The following SYN3 variants were observed in gnomAD, a reference collection of about 807,000 sequenced individuals.
SYN3 encodes synapsin III.
In SYN3, 35 loss-of-function variants were observed where a neutral mutation model predicts 65.8. That is an observed-to-expected ratio of 0.53 (90% CI 0.41 to 0.70). The LOEUF is 0.70. SYN3 is among the 30% of genes least tolerant of loss of function. The probability of loss-of-function intolerance (pLI) is 0.00; values close to 1 mark genes in which losing one functional copy is unlikely to be tolerated. For synonymous variants in SYN3, 270 were observed against 292.9 expected (o/e 0.92, Z 0.80); for missense variants, 680 against 749.0 (o/e 0.91, Z 1.08).
rs936562446 is a variant in SYN3, at chr22:32,508,567, T to G, written c.*5125A>C. 1.3e-5 allele frequency among the ~76,000 whole-genome samples: 2 copies of G among 152,178 alleles called. No homozygotes were observed. The highest frequency in any genetic ancestry group is 6.5e-5 in the Admixed American group (1 of 15,272). ...CCTCCCATTCCTCTTCAGATTCAGTTTGGAAGAGGTCTTTTTGAGGTTGAA... is the reference window on the plus strand; with the variant it reads ...CCTCCCATTCCTCTTCAGATTCAGTGTGGAAGAGGTCTTTTTGAGGTTGAA... On this transcript the variant is annotated 3_prime_UTR_variant, in exon 14 of 14. Transcript: ENST00000358763.
intron 7 of SYN3, among the ~76,000 whole-genome samples, chr22:32,566,769 C>T (rs1192131340): frequency 6.6e-6 from 1 of 152,076 alleles, no homozygotes; most frequent in Non-Finnish European, 1.5e-5. Context: ...TCAGCAAAGA[C>T]TTATTTATTC....
At chr22:32,758,877 G>C (rs995176998) in intron 6 of SYN3, among the ~76,000 whole-genome samples, 27 of 150,806 alleles carry the variant, frequency 1.8e-4, no homozygotes, top group Non-Finnish European at 4.0e-4. Context: ...GACAGCTGTT[G>C]GCTGTGCAGA....
rs559545334 is a variant in SYN3, at chr22:32,512,109, G to A, written c.*1583C>T. Among the ~76,000 whole-genome samples the A allele has an allele frequency of 1.3e-5, 2 of 152,308 alleles. No individual in the cohort carries two copies. The highest frequency in any genetic ancestry group is 4.8e-5 in the African/African-American group (2 of 41,576). Reference sequence around the variant, plus strand: ...GAAGGAGAGGGTCTCTGGCCCTGACGTCACCACTCCAGTTTGGTTTTGAAG... The same window carrying A: ...GAAGGAGAGGGTCTCTGGCCCTGACATCACCACTCCAGTTTGGTTTTGAAG... On this transcript the variant is annotated 3_prime_UTR_variant, in exon 14 of 14. Transcript: ENST00000358763.
chr22:32,668,787 G>A (rs1344578171), intron 6 of SYN3, among the ~76,000 whole-genome samples: 5 of 152,108 alleles, frequency 3.3e-5, no homozygotes, highest in Admixed American at 1.3e-4. Flanking sequence ...CATTGTCCCC[G>A]TGCACTCCTG....
intron 9 of SYN3, 105 bp downstream of exon 9, chr22:32,537,930 AC>A (rs760288476): frequency 3.1e-6 from 3 of 962,554 alleles, no homozygotes; most frequent in Non-Finnish European, 4.9e-6. Flanking sequence ...ATGGTGAGGC[AC>A]TGGACGGAGG....
At chr22:32,694,774 G>A (rs1724806922) in intron 6 of SYN3, among the ~76,000 whole-genome samples, 1 of 152,134 alleles carries the variant, frequency 6.6e-6, no homozygotes, top group Admixed American at 6.5e-5. Context: ...TATTTTTGGG[G>A]GGACTAGATT....
chr22:32,703,062 T>A (rs2060830964), intron 6 of SYN3, among the ~76,000 whole-genome samples: 1 of 152,234 alleles, frequency 6.6e-6, no homozygotes. Context: ...AGATATTTTT[T>A]AAAATCACTT....
intron 1 of SYN3, among the ~76,000 whole-genome samples, chr22:33,009,977 A>G (rs2053310449): frequency 6.6e-6 from 1 of 152,108 alleles, no homozygotes; most frequent in African/African-American, 2.4e-5. Flanking sequence ...TCACGCCTGT[A>G]ATCCCAGCAC....
At chr22:32,691,185 G>C (rs900847284) in intron 6 of SYN3, among the ~76,000 whole-genome samples, 1 of 152,112 alleles carries the variant, frequency 6.6e-6, no homozygotes, top group South Asian at 2.1e-4. Flanking sequence ...TGGGCGCCCC[G>C]GTTCCTTCAC....
intron 12 of SYN3, among the ~76,000 whole-genome samples, chr22:32,521,060 G>C (rs2057872577): frequency 1.3e-5 from 2 of 152,152 alleles, no homozygotes; most frequent in African/African-American, 4.8e-5. Context: ...TGATTGTATA[G>C]GCGAGTAGAT....
At chr22:32,795,077 C>T (rs568281257) in intron 6 of SYN3, among the ~76,000 whole-genome samples, 2 of 152,152 alleles carry the variant, frequency 1.3e-5, no homozygotes, top group African/African-American at 2.4e-5. Flanking sequence ...AGCTGTGGAC[C>T]GTGGGGCCCT....
At chr22:32,928,402 C>T (rs1217873357) in intron 4 of SYN3, among the ~76,000 whole-genome samples, 1 of 152,152 alleles carries the variant, frequency 6.6e-6, no homozygotes, top group African/African-American at 2.4e-5. Context: ...GCCTAGCCTA[C>T]CTTAGACATT....
intron 7 of SYN3, among the ~76,000 whole-genome samples, chr22:32,566,965 G>T (rs2058679882): frequency 6.6e-6 from 1 of 152,112 alleles, no homozygotes; most frequent in African/African-American, 2.4e-5. Context: ...CCACTGAGAT[G>T]GGAAAGAAGG....
At chr22:32,639,017 G>A (rs1169173721) in intron 6 of SYN3, among the ~76,000 whole-genome samples, 2 of 152,030 alleles carry the variant, frequency 1.3e-5, no homozygotes, top group East Asian at 3.9e-4. Flanking sequence ...GCAGTGGCGC[G>A]ATCTCAGCTC....
Position 32,836,918 on chromosome 22 carries a change from A to G in SYN3, c.711+27997T>C, listed in dbSNP as rs1018855875. Among the ~76,000 whole-genome samples the G allele has an allele frequency of 3.3e-5, 5 of 152,184 alleles. No homozygotes were observed. In the East Asian group the frequency reaches 9.6e-4, roughly 29 times the overall value. On this transcript the variant is annotated intron_variant, in intron 6 of 13. Transcript: ENST00000358763. ...CATTGGCTCTTGTTCAAACCACAAG[A>G]AAGTCTCCTGCCCACTCCTGGTGCA...
chr22:32,791,030 A>C (rs977492573), intron 6 of SYN3, among the ~76,000 whole-genome samples: 6 of 152,218 alleles, frequency 3.9e-5, no homozygotes, highest in Non-Finnish European at 8.8e-5. Flanking sequence ...GGGACGCTGA[A>C]CTTGGAAATC....
intron 8 of SYN3, 97 bp from the exon 9 acceptor site, chr22:32,538,207 AT>A (rs2058196712): frequency 9.6e-7 from 1 of 1,044,680 alleles, no homozygotes; most frequent in Admixed American, 1.7e-5. Context: ...TCTGATTCAA[AT>A]AACTGGCTCA....
chr22:32,637,800 G>A (rs1180007923), intron 6 of SYN3, among the ~76,000 whole-genome samples: 1 of 151,860 alleles, frequency 6.6e-6, no homozygotes, highest in Non-Finnish European at 1.5e-5. Context: ...ACCATGCCCA[G>A]CTAATTTCTG....
At chr22:32,845,499 C>T (rs1280254185) in intron 6 of SYN3, among the ~76,000 whole-genome samples, 1 of 152,132 alleles carries the variant, frequency 6.6e-6, no homozygotes, top group Non-Finnish European at 1.5e-5. Flanking sequence ...CAGCCATAAA[C>T]TTTTAAACCT....
Sources: allele counts gnomAD v4.1 joint callset (sites outside exome capture counted in the v4.1 genomes callset), GRCh38; gene constraint gnomAD v4.1.1; transcripts MANE v1.5; gene names NCBI Gene and HGNC (gene_info 2026-07-23, HGNC 2026-07-21).